EDEM2: variants seen among roughly 807,000 people sequenced by gnomAD.
EDEM2 encodes ER degradation enhancing alpha-mannosidase like protein 2.
In EDEM2, 39 loss-of-function variants were observed where a neutral mutation model predicts 64.8. The observed-to-expected ratio is 0.60, with a 90% CI of 0.47 to 0.79. EDEM2 has a LOEUF of 0.79. Ranked by LOEUF, EDEM2 falls within the 30% of genes least tolerant of loss-of-function variation. The pLI is 0.00. For missense variants in EDEM2, 609 were observed against 731.3 expected (o/e 0.83, Z 1.93); for synonymous variants, 296 against 291.5 (o/e 1.02, Z -0.16).
At chr20:35,143,132 G>A (rs547621772) in intron 3 of EDEM2, among the ~76,000 whole-genome samples, 13 of 152,200 alleles carry the variant, frequency 8.5e-5, no homozygotes, top group African/African-American at 2.7e-4. Context: ...AGGTTGGTTG[G>A]CCCAAAACAA....
Position 35,137,861 on chromosome 20 carries a change from A to C in EDEM2, c.490+19T>G. On this transcript the variant is annotated intron_variant, in intron 5 of 10. Coordinates refer to ENST00000374492, the MANE Select transcript of EDEM2 (RefSeq NM_018217.3). ...ACCTACTGGACTTCGTCTCTGCCCCATCTCTGTGTGGGTCTTACCTGGGAG... is the reference window on the plus strand; with the variant it reads ...ACCTACTGGACTTCGTCTCTGCCCCCTCTCTGTGTGGGTCTTACCTGGGAG... The C allele has an allele frequency of 6.2e-7, 1 of 1,612,580 alleles. No homozygotes were observed. Among genetic ancestry groups the C allele is most frequent in the Non-Finnish European group, 8.5e-7 (1 of 1,179,340 alleles).
intron 8 of EDEM2, among the ~76,000 whole-genome samples, chr20:35,125,551 A>AT (rs2085421449): frequency 6.6e-6 from 1 of 151,440 alleles, no homozygotes; most frequent in Non-Finnish European, 1.5e-5. Context: ...CGCCCAGCTA[A>AT]TTTTTTGTAT....
At chr20:35,121,478 C>T (rs988562294) in intron 9 of EDEM2, among the ~76,000 whole-genome samples, 1 of 152,206 alleles carries the variant, frequency 6.6e-6, no homozygotes, top group Non-Finnish European at 1.5e-5. Flanking sequence ...TCACACGCAG[C>T]TCACCTCCTG....
intron 7 of EDEM2, among the ~76,000 whole-genome samples, chr20:35,131,225 G>A (rs1569178916): frequency 6.6e-6 from 1 of 152,218 alleles, no homozygotes; most frequent in Non-Finnish European, 1.5e-5. Flanking sequence ...GGCAGTGTAA[G>A]TCCATAGTGA....
intron 6 of EDEM2, among the ~76,000 whole-genome samples, chr20:35,133,694 C>T (rs1479954425): frequency 2.6e-5 from 4 of 152,036 alleles, no homozygotes; most frequent in African/African-American, 9.7e-5. Flanking sequence ...CTCGAACTCC[C>T]AATCTCAGGT....
intron 4 of EDEM2, among the ~76,000 whole-genome samples, chr20:35,140,598 C>T (rs1450989374): frequency 1.3e-5 from 2 of 152,048 alleles, no homozygotes; most frequent in Admixed American, 6.5e-5. Context: ...ATAACTGTAG[C>T]ATATAGGTCA....
chr20:35,147,312 T>G lies in EDEM2; in HGVS notation c.-54A>C. The G allele has an allele frequency of 1.4e-6, 2 of 1,430,832 alleles. No individual in the cohort carries two copies. Among genetic ancestry groups the G allele is most frequent in the South Asian group, 3.0e-5 (2 of 67,126 alleles). The allele number at this position is 1,430,832 out of a possible 1,614,324, so 88.6% of individuals were successfully genotyped here. A position where few individuals can be genotyped will look rare whatever the true frequency, so the allele number is the denominator to read the frequency against. The stretch of plus-strand genomic sequence containing the variant: ...AGCAGCAGCAGCCACTGCAACCAGT[T>G]CATCCTGGGAGCTGCTGCGGGTTCT... On this transcript the variant is annotated 5_prime_UTR_variant, in exon 1 of 11. Transcript: ENST00000374492.
At chr20:35,143,310 A>C (rs2085683188) in intron 3 of EDEM2, among the ~76,000 whole-genome samples, 1 of 152,182 alleles carries the variant, frequency 6.6e-6, no homozygotes. Context: ...CTTAATACCA[A>C]GGGACAAACA....
At chr20:35,145,091 G>T in intron 2 of EDEM2, 73 bp from the exon 3 acceptor site, 1 of 1,520,570 alleles carries the variant, frequency 6.6e-7, no homozygotes, top group Non-Finnish European at 9.1e-7. Context: ...CCCTAGATCT[G>T]ATCCCCCTAA....
chr20:35,118,208 A>C (rs6088721), intron 10 of EDEM2, among the ~76,000 whole-genome samples: 92,233 of 152,062 alleles, frequency 0.61, 28,202 homozygotes, highest in Admixed American at 0.71. Context: ...TTTGTTAAGG[A>C]GTCCCAGGTT....
At chr20:35,146,400 G>A (rs2085732657) in intron 2 of EDEM2, among the ~76,000 whole-genome samples, 1 of 152,126 alleles carries the variant, frequency 6.6e-6, no homozygotes, top group Non-Finnish European at 1.5e-5. Flanking sequence ...GGAAAATGGG[G>A]AGTGTATTTC....
At chr20:35,119,347 C>T (rs995285046) in intron 9 of EDEM2, among the ~76,000 whole-genome samples, 2 of 152,176 alleles carry the variant, frequency 1.3e-5, no homozygotes, top group African/African-American at 4.8e-5. Context: ...GTAATCCCAG[C>T]ACTTTGGGAG....
chr20:35,132,227 G>C (rs998800900), intron 6 of EDEM2, among the ~76,000 whole-genome samples: 7 of 151,904 alleles, frequency 4.6e-5, no homozygotes, highest in African/African-American at 1.7e-4. Flanking sequence ...TGACAGAGTG[G>C]TTCTAAGGAG....
intron 2 of EDEM2, among the ~76,000 whole-genome samples, chr20:35,146,130 G>T (rs564307910): frequency 3.9e-4 from 59 of 151,824 alleles, no homozygotes; most frequent in African/African-American, 1.4e-3. Flanking sequence ...AATATTTCTG[G>T]ACAGATACAA....
chr20:35,144,474 C>A (rs1203143763), intron 3 of EDEM2, among the ~76,000 whole-genome samples: 1 of 152,154 alleles, frequency 6.6e-6, no homozygotes, highest in South Asian at 2.1e-4. Context: ...GCTGGGATAA[C>A]AGACATGTGC....
chr20:35,142,525 A>G, intron 3 of EDEM2, 47 bp from the exon 4 acceptor site: 1 of 1,420,780 alleles, frequency 7.0e-7, no homozygotes, highest in Non-Finnish European at 9.9e-7. Flanking sequence ...ACATGCATGG[A>G]GGCAGATTCA....
intron 4 of EDEM2, among the ~76,000 whole-genome samples, chr20:35,139,908 C>T (rs532825661): frequency 3.4e-4 from 52 of 151,840 alleles, no homozygotes; most frequent in Non-Finnish European, 5.9e-5. Flanking sequence ...AGATTCTCTA[C>T]AAATAAATAA....
At chr20:35,129,934 C>T (rs2085485646) in intron 7 of EDEM2, among the ~76,000 whole-genome samples, 1 of 152,280 alleles carries the variant, frequency 6.6e-6, no homozygotes, top group South Asian at 2.1e-4. Flanking sequence ...TGCTTAAGTA[C>T]ACCCTATGAT....
At chr20:35,134,280 A>G (rs2085544617) in intron 6 of EDEM2, 1 of 383,462 alleles carries the variant, frequency 2.6e-6, no homozygotes. Flanking sequence ...TCTCCAAAAA[A>G]GGGGGGGATA....
Sources: allele counts gnomAD v4.1 joint callset (sites outside exome capture counted in the v4.1 genomes callset), GRCh38; gene constraint gnomAD v4.1.1; transcripts MANE v1.5; gene names NCBI Gene and HGNC (gene_info 2026-07-23, HGNC 2026-07-21).